The following SDK1 variants were observed in gnomAD, a reference collection of about 807,000 sequenced individuals.
SDK1 encodes the protein protein sidekick-1.
Under a neutral mutation model 245.5 loss-of-function variants are expected in SDK1, and 157 were observed. That is an observed-to-expected ratio of 0.64 (90% CI 0.56 to 0.73). SDK1 has a LOEUF of 0.73. Among genes scored for constraint, SDK1 ranks in the 30% least tolerant of loss-of-function variants. The pLI is 0.00. For synonymous variants in SDK1, 1,647 were observed against 1,278.5 expected, an observed-to-expected ratio of 1.29 and a Z score of -6.15; for missense variants, 3,583 against 3,002.3, an observed-to-expected ratio of 1.19 and a Z score of -4.52.
At chr7:4,073,703 C>T (rs942419232) in intron 20 of SDK1, among the ~76,000 whole-genome samples, 2 of 152,194 alleles carry the variant, frequency 1.3e-5, no homozygotes, top group African/African-American at 4.8e-5. Flanking sequence ...TGTCTCAGTT[C>T]CCTTGCACAC....
chr7:3,371,533 C>A (rs1201343830), intron 1 of SDK1, among the ~76,000 whole-genome samples: 1 of 151,998 alleles, frequency 6.6e-6, no homozygotes, highest in Admixed American at 6.5e-5. Flanking sequence ...AAAACAGAAA[C>A]ATACAAACAA....
chr7:3,513,724 G>A (rs1782650561), intron 1 of SDK1, among the ~76,000 whole-genome samples: 1 of 152,102 alleles, frequency 6.6e-6, no homozygotes, highest in Non-Finnish European at 1.5e-5. Flanking sequence ...GGGTACAGAT[G>A]AGCCCATCAC....
chr7:4,002,208 T>A (rs1785125241), intron 14 of SDK1, among the ~76,000 whole-genome samples: 1 of 151,550 alleles, frequency 6.6e-6, no homozygotes, highest in South Asian at 2.1e-4. Flanking sequence ...GAGAAGCTTT[T>A]TCGTAGCCCT....
At chr7:4,025,944 G>A (rs1291604213) in intron 17 of SDK1, among the ~76,000 whole-genome samples, 1 of 152,172 alleles carries the variant, frequency 6.6e-6, no homozygotes, top group African/African-American at 2.4e-5. Flanking sequence ...CTTTGCTCAG[G>A]AGCCTAAATG....
chr7:3,481,903 A>G (rs1456218273), intron 1 of SDK1, among the ~76,000 whole-genome samples: 1 of 152,262 alleles, frequency 6.6e-6, no homozygotes, highest in Non-Finnish European at 1.5e-5. Flanking sequence ...TGACTGATAC[A>G]GTGAGAAAGG....
chr7:3,856,287 A>C (rs1431775904), intron 5 of SDK1, among the ~76,000 whole-genome samples: 1 of 152,160 alleles, frequency 6.6e-6, no homozygotes, highest in Non-Finnish European at 1.5e-5. Context: ...TGGAGAAAAA[A>C]ATAATGTAAA....
At chr7:3,604,045 G>T (rs555686152) in intron 1 of SDK1, among the ~76,000 whole-genome samples, 1 of 152,150 alleles carries the variant, frequency 6.6e-6, no homozygotes, top group Non-Finnish European at 1.5e-5. Flanking sequence ...CTTGATCATG[G>T]TGGATAAGCT....
intron 1 of SDK1, among the ~76,000 whole-genome samples, chr7:3,373,617 C>G (rs1781282193): frequency 6.9e-6 from 1 of 144,566 alleles, no homozygotes; most frequent in Non-Finnish European, 1.5e-5. Flanking sequence ...GTTGGCAACA[C>G]CATTAAAAAT....
chr7:3,655,493 A>ATGTATGTATGTATG (rs1275095313), intron 4 of SDK1, among the ~76,000 whole-genome samples: 3 of 65,412 alleles, frequency 4.6e-5, no homozygotes, highest in African/African-American at 1.4e-4. Context: ...ATATATATAT[A>ATGTATGTATGTATG]TATATATATA....
chr7:4,056,815 C>T (rs902372695), intron 19 of SDK1, among the ~76,000 whole-genome samples: 1 of 152,090 alleles, frequency 6.6e-6, no homozygotes, highest in Admixed American at 6.5e-5. Context: ...GTGGGTCCCA[C>T]CAGACCATTC....
chr7:3,539,055 T>A (rs1415935956), intron 1 of SDK1, among the ~76,000 whole-genome samples: 5 of 152,044 alleles, frequency 3.3e-5, no homozygotes, highest in Non-Finnish European at 7.4e-5. Context: ...GTTTGTTGAA[T>A]ACTTTCTGCG....
At chr7:3,828,422 A>T (rs149931128) in intron 5 of SDK1, among the ~76,000 whole-genome samples, 9 of 152,024 alleles carry the variant, frequency 5.9e-5, no homozygotes, top group African/African-American at 2.2e-4. Context: ...AATTTTATCT[A>T]TGAAAAAGAA....
At chr7:3,668,276 A>G (rs1783597054) in intron 4 of SDK1, among the ~76,000 whole-genome samples, 1 of 152,178 alleles carries the variant, frequency 6.6e-6, no homozygotes, top group Non-Finnish European at 1.5e-5. Flanking sequence ...GGGTGGTTCC[A>G]CTGATGGCAG....
rs1781798264 is a variant in SDK1 at position 3,962,735 on chromosome 7, T to C, written c.1313T>C (p.Leu438Pro). 2 of 1,613,756 alleles carry C rather than the reference T, an allele frequency of 1.2e-6. No individual in the cohort carries two copies. The highest frequency in any genetic ancestry group is 1.7e-6 in the Non-Finnish European group (2 of 1,179,860). Residue 438 changes from leucine (L) to proline (P), a missense_variant, in exon 9 of 45, where the codon CTC becomes CCC. Coordinates refer to ENST00000404826, the MANE Select transcript of SDK1 (RefSeq NM_152744.4). The stretch of plus-strand genomic sequence containing the variant: ...CTCCAGAATCCTCGATACAAAGTGC[T>C]CGCCAGCGGAGGCCTGCGCATCCAG... ...SRLQNPRYKV[L>P]ASGGLRIQKL...
At chr7:3,688,842 A>G (rs542213428) in intron 4 of SDK1, among the ~76,000 whole-genome samples, 1 of 152,096 alleles carries the variant, frequency 6.6e-6, no homozygotes, top group Non-Finnish European at 1.5e-5. Flanking sequence ...TGGCCAATCC[A>G]TGTCCTGTGT....
intron 1 of SDK1, among the ~76,000 whole-genome samples, chr7:3,312,814 C>A (rs942848053): frequency 1.3e-5 from 2 of 152,064 alleles, no homozygotes; most frequent in Non-Finnish European, 2.9e-5. Flanking sequence ...AGGAGAGACA[C>A]TATTAGAAGA....
intron 4 of SDK1, among the ~76,000 whole-genome samples, chr7:3,804,448 T>G (rs1779189372): frequency 1.3e-5 from 2 of 152,226 alleles, no homozygotes; most frequent in South Asian, 4.1e-4. Context: ...TTGGCCTATT[T>G]GTCTTTTCCT....
intron 5 of SDK1, among the ~76,000 whole-genome samples, chr7:3,900,627 T>A (rs564216030): frequency 8.5e-5 from 13 of 152,312 alleles, no homozygotes; most frequent in Non-Finnish European, 1.3e-4. Flanking sequence ...TTTGGAAGAT[T>A]TCAACCTGCA....
intron 1 of SDK1, among the ~76,000 whole-genome samples, chr7:3,610,620 A>G (rs76259165): frequency 3.3e-5 from 5 of 152,234 alleles, no homozygotes; most frequent in Non-Finnish European, 5.9e-5. Flanking sequence ...ATATAGCCAT[A>G]TATGTTTCTA....
Sources: allele counts gnomAD v4.1 joint callset (sites outside exome capture counted in the v4.1 genomes callset), GRCh38; gene constraint gnomAD v4.1.1; transcripts MANE v1.5; gene names NCBI Gene and HGNC (gene_info 2026-07-23, HGNC 2026-07-21).